CIMIP6: variants seen among roughly 807,000 people sequenced by gnomAD.
The protein encoded by CIMIP6 is ciliary microtubule inner protein 6, also known as uncharacterized protein C2orf73.
the CIMIP6 span, among the ~76,000 whole-genome samples, chr2:54,370,569 A>G: frequency 2.3e-3 from 351 of 152,318 alleles, 3 homozygotes; most frequent in African/African-American, 8.3e-3. Flanking sequence ...GAACCGAAAT[A>G]ACTTCAAACA....
chr2:54,360,095 C>T, the CIMIP6 span: 4 of 1,354,818 alleles, frequency 3.0e-6, no homozygotes, highest in South Asian at 1.7e-5. Context: ...CAGAGAAGTG[C>T]CTGCATCACT....
chr2:54,336,079 C>T, the CIMIP6 span, among the ~76,000 whole-genome samples: 3 of 152,154 alleles, frequency 2.0e-5, no homozygotes, highest in East Asian at 3.8e-4. Flanking sequence ...GCTTAAATCA[C>T]GAACATCTTT....
At chr2:54,369,561 C>G in the CIMIP6 span, among the ~76,000 whole-genome samples, 1 of 152,204 alleles carries the variant, frequency 6.6e-6, no homozygotes. Context: ...TGTACAGTTT[C>G]ATTATCTCTT....
chr2:54,374,367 T>G, the CIMIP6 span, among the ~76,000 whole-genome samples: 1 of 152,254 alleles, frequency 6.6e-6, no homozygotes, highest in African/African-American at 2.4e-5. Context: ...AGTAATTAAA[T>G]TTGAGTGATC....
At chr2:54,360,165 G>A in the CIMIP6 span, 14,661 of 1,493,168 alleles carry the variant, frequency 9.8e-3, 73 homozygotes, top group Non-Finnish European at 0.011. Flanking sequence ...AGCAATCTGC[G>A]TTCTCCTGGT....
At chr2:54,369,909 C>T in the CIMIP6 span, among the ~76,000 whole-genome samples, 1 of 152,178 alleles carries the variant, frequency 6.6e-6, no homozygotes, top group African/African-American at 2.4e-5. Context: ...AGTACAAAAA[C>T]ATAGAGTAAT....
chr2:54,366,767 A>T, the CIMIP6 span, among the ~76,000 whole-genome samples: 2 of 152,140 alleles, frequency 1.3e-5, no homozygotes, highest in Non-Finnish European at 2.9e-5. Context: ...TCAACACAGA[A>T]CTCCATGCTA....
the CIMIP6 span, among the ~76,000 whole-genome samples, chr2:54,350,091 G>A: frequency 1.3e-5 from 2 of 152,120 alleles, no homozygotes; most frequent in Admixed American, 6.5e-5. Context: ...CCTGACCTCA[G>A]GTGATCCACC....
the CIMIP6 span, among the ~76,000 whole-genome samples, chr2:54,333,186 A>G: frequency 2.0e-5 from 3 of 152,258 alleles, no homozygotes; most frequent in Non-Finnish European, 1.5e-5. Context: ...AGTAAAGGAT[A>G]TTTGTAGTGC....
chr2:54,372,657 C>A, the CIMIP6 span, among the ~76,000 whole-genome samples: 3 of 152,292 alleles, frequency 2.0e-5, no homozygotes, highest in East Asian at 5.8e-4. Flanking sequence ...CACTCTTCCC[C>A]AGGGTGCCAG....
the CIMIP6 span, among the ~76,000 whole-genome samples, chr2:54,371,583 C>T: frequency 6.6e-6 from 1 of 152,224 alleles, no homozygotes; most frequent in East Asian, 1.9e-4. Flanking sequence ...AGCAGGGAGG[C>T]TGGGTGCCTG....
the CIMIP6 span, among the ~76,000 whole-genome samples, chr2:54,345,154 C>T: frequency 6.6e-6 from 1 of 151,996 alleles, no homozygotes; most frequent in Non-Finnish European, 1.5e-5. Flanking sequence ...ACACAAAGAT[C>T]AACAGGAGAA....
At chr2:54,348,804 C>T in the CIMIP6 span, among the ~76,000 whole-genome samples, 1 of 152,196 alleles carries the variant, frequency 6.6e-6, no homozygotes, top group Non-Finnish European at 1.5e-5. Context: ...CATAGTCATT[C>T]TGTTCCATCA....
At chr2:54,380,434 C>A in the CIMIP6 span, among the ~76,000 whole-genome samples, 3 of 152,244 alleles carry the variant, frequency 2.0e-5, no homozygotes, top group East Asian at 5.8e-4. Context: ...CCCATGACAT[C>A]ACACTGCCTT....
chr2:54,335,032 A>C, the CIMIP6 span: 1 of 1,578,202 alleles, frequency 6.3e-7, no homozygotes, highest in Non-Finnish European at 8.6e-7. Flanking sequence ...CAGGTTGGAC[A>C]GATGTTCATT....
the CIMIP6 span, chr2:54,381,772 G>T: frequency 6.8e-7 from 1 of 1,467,266 alleles, no homozygotes; most frequent in South Asian, 1.5e-5. Context: ...AACTCCATCT[G>T]ATTTAACGCT....
the CIMIP6 span, among the ~76,000 whole-genome samples, chr2:54,377,314 C>T: frequency 6.6e-6 from 1 of 152,122 alleles, no homozygotes; most frequent in Non-Finnish European, 1.5e-5. Context: ...GAGATGTGTA[C>T]AGTGTATAGC....
chr2:54,343,927 A>G, the CIMIP6 span: 1 of 1,426,160 alleles, frequency 7.0e-7, no homozygotes, highest in Non-Finnish European at 9.3e-7. Context: ...TATTGCTACC[A>G]AAACTAAGAT....
chr2:54,351,359 G>C, the CIMIP6 span, among the ~76,000 whole-genome samples: 3 of 152,232 alleles, frequency 2.0e-5, no homozygotes, highest in East Asian at 5.8e-4. Context: ...CAATAGCAAA[G>C]ACATGGAATC....
Sources: gnomAD v4.1 joint callset for allele counts (sites outside exome capture counted in the v4.1 genomes callset) on GRCh38, gnomAD v4.1.1 for gene constraint, MANE v1.5 for transcripts, NCBI Gene and HGNC (gene_info 2026-07-23, HGNC 2026-07-21) for gene names.